Variants in SWT1 observed in about 807,000 individuals in gnomAD.
SWT1 encodes transcriptional protein SWT1.
In SWT1, 33 loss-of-function variants were observed where a neutral mutation model predicts 107.3. That is an observed-to-expected ratio of 0.31 (90% CI 0.23 to 0.41). SWT1 has a LOEUF of 0.41. Among genes scored for constraint, SWT1 ranks in the 10% least tolerant of loss-of-function variants. SWT1 has a pLI of 1.00. For synonymous variants in SWT1, 345 were observed against 348.3 expected, an observed-to-expected ratio of 0.99 and a Z score of 0.11; for missense variants, 898 against 1,028.9, an observed-to-expected ratio of 0.87 and a Z score of 1.74.
At chr1:185,158,429 A>G (rs1291212049) in intron 1 of SWT1, among the ~76,000 whole-genome samples, 1 of 151,978 alleles carries the variant, frequency 6.6e-6, no homozygotes, top group African/African-American at 2.4e-5. Context: ...ACAGTCAATT[A>G]AAAATGGGAT....
chr1:185,266,159 G>A (rs1663364985), intron 16 of SWT1, among the ~76,000 whole-genome samples: 1 of 152,144 alleles, frequency 6.6e-6, no homozygotes, highest in Non-Finnish European at 1.5e-5. Flanking sequence ...CGCCTGCCGG[G>A]TTCACGCCAT....
intron 16 of SWT1, among the ~76,000 whole-genome samples, chr1:185,251,638 T>C (rs76091895): frequency 1.2e-3 from 184 of 152,234 alleles, no homozygotes; most frequent in African/African-American, 4.0e-3. Flanking sequence ...TGTTTTGTCA[T>C]ATATTAATAC....
intron 10 of SWT1, among the ~76,000 whole-genome samples, chr1:185,195,191 C>T (rs1361086826): frequency 6.6e-6 from 1 of 152,134 alleles, no homozygotes; most frequent in African/African-American, 2.4e-5. Flanking sequence ...GTGTTCCCCT[C>T]CCTGTGTCCA....
intron 6 of SWT1, among the ~76,000 whole-genome samples, chr1:185,181,052 G>A (rs773509905): frequency 1.3e-5 from 2 of 152,172 alleles, no homozygotes; most frequent in African/African-American, 4.8e-5. Flanking sequence ...TGGAGTACCC[G>A]AGGTCAGGAG....
intron 16 of SWT1, among the ~76,000 whole-genome samples, chr1:185,251,146 TTGCAAGATGCAAATATCACAGAC>T (rs1433030643): frequency 6.6e-6 from 1 of 152,142 alleles, no homozygotes; most frequent in Non-Finnish European, 1.5e-5. Flanking sequence ...TGGTTTGAAT[TTGCAAGATGCAAATATCACAGAC>T]TCCAAGAAAA....
intron 8 of SWT1, 52 bp downstream of exon 8, chr1:185,184,396 T>A: frequency 9.3e-7 from 1 of 1,077,900 alleles, no homozygotes; most frequent in Non-Finnish European, 1.4e-6. Flanking sequence ...GAGTTGATAT[T>A]TTATATTAAC....
intron 5 of SWT1, chr1:185,176,599 G>A (rs1655581960): frequency 1.0e-6 from 1 of 984,210 alleles, no homozygotes. Flanking sequence ...CAGAACTGTG[G>A]AACCTTGGAA....
intron 16 of SWT1, among the ~76,000 whole-genome samples, chr1:185,239,653 T>A (rs1261638479): frequency 1.3e-5 from 2 of 152,100 alleles, no homozygotes; most frequent in African/African-American, 2.4e-5. Flanking sequence ...TGAGCACTTT[T>A]GTTAATAGTT....
intron 18 of SWT1, among the ~76,000 whole-genome samples, chr1:185,288,601 A>G (rs1665081174): frequency 6.6e-6 from 1 of 152,146 alleles, no homozygotes; most frequent in East Asian, 1.9e-4. Flanking sequence ...CTCCAACACC[A>G]TGAATATGGC....
chr1:185,279,323 A>T (rs542117052), intron 18 of SWT1, among the ~76,000 whole-genome samples: 2 of 152,264 alleles, frequency 1.3e-5, no homozygotes, highest in African/African-American at 2.4e-5. Context: ...TTTTGATTTT[A>T]GCTTACTTTT....
chr1:185,290,576 T>TA lies in SWT1; in HGVS notation c.2574-98_2574-97insA, dbSNP rs1558107908. On this transcript the variant is annotated intron_variant, in intron 18 of 18. Transcript: ENST00000367500. ...CATGTTATACATAATATATATATAT[T>TA]TTTTATTTGTCAATTAAAATGTAAA... 101 of 807,942 alleles carry TA rather than the reference T, an allele frequency of 1.3e-4. No homozygotes were observed. In the African/African-American group the frequency reaches 1.6e-3, roughly 13 times the overall value. 50.0% of individuals were successfully genotyped at this position (807,942 alleles called of 1,614,324 possible). A position where few individuals can be genotyped will look rare whatever the true frequency, so the allele number is the denominator to read the frequency against.
intron 16 of SWT1, among the ~76,000 whole-genome samples, chr1:185,270,565 C>T (rs1418669010): frequency 6.6e-6 from 1 of 151,866 alleles, no homozygotes; most frequent in Admixed American, 6.6e-5. Context: ...AATATTAGCC[C>T]GACTTGGTGG....
intron 16 of SWT1, among the ~76,000 whole-genome samples, chr1:185,270,196 G>A (rs567333478): frequency 1.3e-5 from 2 of 151,254 alleles, no homozygotes; most frequent in Non-Finnish European, 2.9e-5. Context: ...AACTCACCAA[G>A]GTCACACAGC....
chr1:185,246,790 T>C (rs1661646099), intron 16 of SWT1, among the ~76,000 whole-genome samples: 1 of 151,120 alleles, frequency 6.6e-6, no homozygotes, highest in African/African-American at 2.4e-5. Context: ...CCACCATGCA[T>C]GGCTAATATT....
At chr1:185,215,314 A>C (rs192994635) in intron 14 of SWT1, among the ~76,000 whole-genome samples, 1 of 152,104 alleles carries the variant, frequency 6.6e-6, no homozygotes, top group East Asian at 1.9e-4. Context: ...TTTTTCCCCC[A>C]GGTGCTCTTT....
At chr1:185,184,646 G>T in intron 8 of SWT1, 97 bp from the exon 9 acceptor site, 1 of 777,592 alleles carries the variant, frequency 1.3e-6, no homozygotes. Context: ...TAAAGGTAGG[G>T]ACTGTGTGCT....
At chr1:185,161,441 A>T (rs1045065348) in intron 2 of SWT1, among the ~76,000 whole-genome samples, 3 of 152,066 alleles carry the variant, frequency 2.0e-5, no homozygotes, top group Non-Finnish European at 4.4e-5. Context: ...GTGGTGAATC[A>T]TACCTATAAT....
intron 5 of SWT1, 79 bp downstream of exon 5, chr1:185,175,192 AT>A (rs1655433147): frequency 1.9e-5 from 20 of 1,051,650 alleles, no homozygotes; most frequent in African/African-American, 8.5e-5. Flanking sequence ...GTATTTCTAT[AT>A]TTTTTTCTGT....
At chr1:185,254,012 C>CT (rs1470337798) in intron 16 of SWT1, among the ~76,000 whole-genome samples, 2 of 138,932 alleles carry the variant, frequency 1.4e-5, no homozygotes, top group Admixed American at 7.4e-5. Flanking sequence ...TTGTCAAAGG[C>CT]TTTTTCTGCA....
Sources: gnomAD v4.1 joint callset for allele counts (sites outside exome capture counted in the v4.1 genomes callset) on GRCh38, gnomAD v4.1.1 for gene constraint, MANE v1.5 for transcripts, NCBI Gene and HGNC (gene_info 2026-07-23, HGNC 2026-07-21) for gene names.